ERI1: variants seen among roughly 807,000 people sequenced by gnomAD.
ERI1 encodes 3'-5' exoribonuclease 1.
ERI1 carries 39 observed loss-of-function variants against 39.7 expected under a neutral mutation model. The ratio of observed to expected loss-of-function variants is 0.98; its 90% CI spans 0.76 to 1.28. The LOEUF is 1.28. Among genes scored for constraint, ERI1 ranks in the 50% most tolerant of loss-of-function variants. The probability of loss-of-function intolerance (pLI) is 0.00; values close to 1 mark genes in which losing one functional copy is unlikely to be tolerated. For missense variants in ERI1, 581 were observed against 416.9 expected (o/e 1.39, Z -3.43); for synonymous variants, 204 against 149.6 (o/e 1.36, Z -2.65).
At chr8:9,047,355 C>T (rs1798206657) in intron 3 of ERI1, among the ~76,000 whole-genome samples, 1 of 152,182 alleles carries the variant, frequency 6.6e-6, no homozygotes, top group Non-Finnish European at 1.5e-5. Context: ...GAGCCCTTCT[C>T]TGCTCACTTC....
chr8:9,066,035 C>A (rs1798864154), intron 3 of ERI1, among the ~76,000 whole-genome samples: 1 of 152,092 alleles, frequency 6.6e-6, no homozygotes, highest in African/African-American at 2.4e-5. Flanking sequence ...TGGCTATCCT[C>A]CTCATCTTCT....
At chr8:9,010,961 T>C (rs1289552196) in intron 2 of ERI1, among the ~76,000 whole-genome samples, 1 of 152,176 alleles carries the variant, frequency 6.6e-6, no homozygotes, top group Non-Finnish European at 1.5e-5. Context: ...ACAGTTTACT[T>C]AGAGTGTATT....
At position 9,008,085 on chromosome 8, in the gene ERI1, G is replaced by T; in HGVS notation, c.224G>T (p.Cys75Phe). ...AAAGAGATTGCCATTACGAATGGCTGTATTAATAGAATGAGTAAGGAAGAA... is the reference window on the plus strand; with the variant it reads ...AAAGAGATTGCCATTACGAATGGCTTTATTAATAGAATGAGTAAGGAAGAA... ...VYKEIAITNG[C>F]INRMSKEELR... Residue 75 changes from cysteine to phenylalanine, a missense_variant, in exon 2 of 7, where the codon TGT (cysteine) becomes TTT (phenylalanine). By Grantham distance (205) the Cys-to-Phe change is radical (BLOSUM62 -2). Transcript: ENST00000250263. 1 of 1,612,606 alleles carries T rather than the reference G, an allele frequency of 6.2e-7. No homozygotes were observed. The highest frequency in any genetic ancestry group is 8.5e-7 in the Non-Finnish European group (1 of 1,179,370).
intron 3 of ERI1, among the ~76,000 whole-genome samples, chr8:9,097,928 TACTAC>T (rs1563104345): frequency 4.6e-5 from 7 of 152,192 alleles, no homozygotes; most frequent in Admixed American, 3.3e-4. Context: ...CACCATGGAA[TACTAC>T]TCAGTCATAA....
At position 9,003,974 on chromosome 8, in the gene ERI1, A is replaced by C. The variant is rs967048634; in HGVS notation, c.108+803A>C. 5.4e-6 allele frequency: 4 copies of C among 735,594 alleles called. 1 individual carries two copies. In the Middle Eastern group the frequency reaches 8.3e-4, roughly 152 times the overall value. The allele number at this position is 735,594 out of a possible 1,614,324, so 45.6% of individuals were successfully genotyped here. The stretch of plus-strand genomic sequence containing the variant: ...CTTTTCAATAACATGAATTTGGCTT[A>C]TTCCCCTCCTGAGTCACTTCCATTT... On this transcript the variant is annotated intron_variant, in intron 1 of 6. Coordinates refer to ENST00000250263, the MANE Select transcript of ERI1 (RefSeq NM_153332.4).
intron 3 of ERI1, among the ~76,000 whole-genome samples, chr8:9,077,129 T>C (rs1013785377): frequency 1.3e-5 from 2 of 152,228 alleles, no homozygotes; most frequent in African/African-American, 4.8e-5. Flanking sequence ...AAACTCCTTT[T>C]CCTGGTATTC....
intron 3 of ERI1, among the ~76,000 whole-genome samples, chr8:9,050,170 CAAAA>C (rs10552004): frequency 0.25 from 36,579 of 149,036 alleles, 4,805 homozygotes; most frequent in Non-Finnish European, 0.3. Context: ...TCTAAGTGGT[CAAAA>C]AAAAAAAAAA....
downstream of ERI1, among the ~76,000 whole-genome samples, chr8:9,038,318 A>C (rs79247318): frequency 4.7e-3 from 718 of 152,344 alleles, 10 homozygotes; most frequent in African/African-American, 0.016. Context: ...CCCAAGGTGC[A>C]GTAACAAGAT....
Position 9,027,205 on chromosome 8 carries a change from T to C in ERI1, c.808-2587T>C, listed in dbSNP as rs183735854. Among the ~76,000 whole-genome samples, 40 of 150,012 alleles carry C rather than the reference T, an allele frequency of 2.7e-4. No homozygotes were observed. In the Middle Eastern group the frequency reaches 0.014, roughly 52 times the overall value. On this transcript the variant is annotated intron_variant, in intron 6 of 6. Transcript: ENST00000250263. ...TATGGCCATTCTAATGGGTGTGAAG[T>C]GGTATCTCATTGTGGTTTTGATTTG...
chr8:9,037,075 C>G (rs1025458375), downstream of ERI1, among the ~76,000 whole-genome samples: 3 of 152,208 alleles, frequency 2.0e-5, no homozygotes, highest in Non-Finnish European at 4.4e-5. Context: ...CTTGCTGTCT[C>G]TTCCTGTATA....
intron 3 of ERI1, among the ~76,000 whole-genome samples, chr8:9,076,645 T>A (rs1006349434): frequency 6.6e-6 from 1 of 152,238 alleles, no homozygotes; most frequent in Non-Finnish European, 1.5e-5. Context: ...TGTGCTTCTC[T>A]TTCTGTGGGA....
At chr8:9,017,665 A>T (rs1817452271) in intron 4 of ERI1, among the ~76,000 whole-genome samples, 1 of 152,216 alleles carries the variant, frequency 6.6e-6, no homozygotes, top group Non-Finnish European at 1.5e-5. Context: ...AGGTAGGCAG[A>T]AAAGAATGGC....
intron 1 of ERI1, chr8:9,004,278 A>G (rs1815716767): frequency 1.7e-6 from 2 of 1,177,240 alleles, no homozygotes; most frequent in Non-Finnish European, 2.1e-6. Flanking sequence ...AGCCTGAGAT[A>G]CGTTGTCAAT....
At chr8:9,004,587 C>T (rs147616418) in intron 1 of ERI1, among the ~76,000 whole-genome samples, 67 of 145,498 alleles carry the variant, frequency 4.6e-4, no homozygotes, top group African/African-American at 1.6e-3. Flanking sequence ...ATCACCTGAG[C>T]CCATGGGTGG....
intron 3 of ERI1, among the ~76,000 whole-genome samples, chr8:9,057,929 G>T (rs1463560041): frequency 6.6e-6 from 1 of 152,156 alleles, no homozygotes; most frequent in Non-Finnish European, 1.5e-5. Context: ...CAAGCAATCG[G>T]AGTAATAGGA....
chr8:9,021,470 A>C (rs992669683), intron 6 of ERI1, among the ~76,000 whole-genome samples: 1 of 152,120 alleles, frequency 6.6e-6, no homozygotes, highest in South Asian at 2.1e-4. Flanking sequence ...AAGTAGTTTC[A>C]TGAGAAAAGG....
At chr8:9,039,341 TTCA>T (rs1212117752) in intron 3 of ERI1, among the ~76,000 whole-genome samples, 1 of 152,222 alleles carries the variant, frequency 6.6e-6, no homozygotes, top group Admixed American at 6.5e-5. Context: ...ATGATACATG[TTCA>T]TCATATAATG....
intron 3 of ERI1, among the ~76,000 whole-genome samples, chr8:9,079,452 A>G (rs10090227): frequency 0.54 from 81,685 of 152,094 alleles, 23,481 homozygotes; most frequent in African/African-American, 0.71. Context: ...AAGCTATTTT[A>G]AATAATGCAA....
chr8:9,015,739 A>AAAAAAAAAAAAAAG (rs10704637), intron 3 of ERI1, among the ~76,000 whole-genome samples: 2 of 150,272 alleles, frequency 1.3e-5, no homozygotes, highest in African/African-American at 5.0e-5. Context: ...AAAAAAAAAA[A>AAAAAAAAAAAAAAG]AAGAGACCAT....
Sources: allele counts gnomAD v4.1 joint callset (sites outside exome capture counted in the v4.1 genomes callset), GRCh38; gene constraint gnomAD v4.1.1; transcripts MANE v1.5; gene names NCBI Gene and HGNC (gene_info 2026-07-23, HGNC 2026-07-21).